Variants in ABTB3 observed in about 807,000 individuals in gnomAD.
The protein encoded by ABTB3 is ankyrin repeat- and BTB/POZ domain-containing protein 3.
the ABTB3 span, among the ~76,000 whole-genome samples, chr12:107,321,126 C>T: frequency 6.6e-6 from 1 of 152,134 alleles, no homozygotes; most frequent in Admixed American, 6.5e-5. Context: ...ACTCTAAAGG[C>T]GAAATAAAAC....
the ABTB3 span, among the ~76,000 whole-genome samples, chr12:107,390,460 G>A: frequency 4.6e-5 from 7 of 152,308 alleles, no homozygotes; most frequent in South Asian, 2.1e-4. Context: ...GGTGGTACAC[G>A]TTTGTGTGTG....
chr12:107,643,773 T>TGA, the ABTB3 span, among the ~76,000 whole-genome samples: 6 of 137,178 alleles, frequency 4.4e-5, no homozygotes, highest in African/African-American at 8.8e-5. Context: ...TTTTTTTTGT[T>TGA]GAGAGAGAGA....
At chr12:107,327,627 A>C in the ABTB3 span, among the ~76,000 whole-genome samples, 1 of 152,222 alleles carries the variant, frequency 6.6e-6, no homozygotes, top group Non-Finnish European at 1.5e-5. Flanking sequence ...CCAAGTTATC[A>C]TAGATGACAG....
chr12:107,520,277 A>G, the ABTB3 span: 1 of 985,330 alleles, frequency 1.0e-6, no homozygotes, highest in Non-Finnish European at 1.2e-6. Flanking sequence ...GCTTGTTAAA[A>G]TCAGTAGTCA....
chr12:107,432,289 G>T, the ABTB3 span, among the ~76,000 whole-genome samples: 1 of 152,210 alleles, frequency 6.6e-6, no homozygotes, highest in African/African-American at 2.4e-5. Context: ...GGAATTGGGA[G>T]AGAAGGAAAG....
At chr12:107,617,077 C>G in the ABTB3 span, 3 of 1,613,708 alleles carry the variant, frequency 1.9e-6, no homozygotes, top group East Asian at 2.2e-5. Context: ...AATGGCCGCT[C>G]TTCCTCTGCA....
the ABTB3 span, among the ~76,000 whole-genome samples, chr12:107,396,510 T>C: frequency 1.3e-5 from 2 of 152,144 alleles, no homozygotes; most frequent in Non-Finnish European, 2.9e-5. Context: ...ATCTCTGGAT[T>C]TGTAGCAAAA....
At chr12:107,358,545 C>T in the ABTB3 span, among the ~76,000 whole-genome samples, 1 of 152,082 alleles carries the variant, frequency 6.6e-6, no homozygotes, top group African/African-American at 2.4e-5. Flanking sequence ...GGTCCCTAAA[C>T]CACCCCAAAC....
At chr12:107,375,921 C>T in the ABTB3 span, among the ~76,000 whole-genome samples, 2 of 152,214 alleles carry the variant, frequency 1.3e-5, no homozygotes, top group Non-Finnish European at 2.9e-5. Context: ...TGTGTACCAT[C>T]CTGCCTAGCC....
chr12:107,560,697 G>A, the ABTB3 span, among the ~76,000 whole-genome samples: 6 of 152,268 alleles, frequency 3.9e-5, no homozygotes, highest in East Asian at 9.6e-4. Flanking sequence ...AGGGATTGCC[G>A]GTAATCTCCT....
the ABTB3 span, among the ~76,000 whole-genome samples, chr12:107,504,761 C>G: frequency 1.3e-5 from 2 of 152,168 alleles, no homozygotes; most frequent in African/African-American, 2.4e-5. Flanking sequence ...CTTGCTATTA[C>G]CTGGAAATGG....
At chr12:107,413,290 A>C in the ABTB3 span, among the ~76,000 whole-genome samples, 1 of 152,140 alleles carries the variant, frequency 6.6e-6, no homozygotes, top group Non-Finnish European at 1.5e-5. Flanking sequence ...TAAAAAAAAA[A>C]GCGCATTGAA....
the ABTB3 span, among the ~76,000 whole-genome samples, chr12:107,585,778 G>A: frequency 6.6e-6 from 1 of 152,154 alleles, no homozygotes; most frequent in African/African-American, 2.4e-5. Flanking sequence ...GGAAGTTCAG[G>A]TTCATTTACC....
At chr12:107,579,272 T>G in the ABTB3 span, among the ~76,000 whole-genome samples, 1 of 152,192 alleles carries the variant, frequency 6.6e-6, no homozygotes, top group Non-Finnish European at 1.5e-5. Flanking sequence ...TCAGCTCCCC[T>G]GGGGTGACAG....
At chr12:107,632,387 T>A in the ABTB3 span, among the ~76,000 whole-genome samples, 1 of 152,140 alleles carries the variant, frequency 6.6e-6, no homozygotes, top group Non-Finnish European at 1.5e-5. Flanking sequence ...CTGGTGTAGA[T>A]GAGTGAGACC....
the ABTB3 span, among the ~76,000 whole-genome samples, chr12:107,327,312 C>A: frequency 6.6e-6 from 1 of 152,170 alleles, no homozygotes; most frequent in Non-Finnish European, 1.5e-5. Context: ...AATTTAATGG[C>A]AGCTACCTTG....
the ABTB3 span, among the ~76,000 whole-genome samples, chr12:107,606,065 G>A: frequency 6.6e-6 from 1 of 152,194 alleles, no homozygotes; most frequent in African/African-American, 2.4e-5. Context: ...CAAGTAGGCA[G>A]CTATATGTGT....
At chr12:107,409,984 G>A in the ABTB3 span, among the ~76,000 whole-genome samples, 3 of 152,074 alleles carry the variant, frequency 2.0e-5, no homozygotes, top group African/African-American at 7.2e-5. Context: ...CAACCATAGA[G>A]CCCTTCTCAA....
chr12:107,394,701 T>C, the ABTB3 span, among the ~76,000 whole-genome samples: 1 of 152,246 alleles, frequency 6.6e-6, no homozygotes, highest in Non-Finnish European at 1.5e-5. Flanking sequence ...AGGGTTGTTT[T>C]GCTATTTAAA....
Sources: allele counts gnomAD v4.1 joint callset (sites outside exome capture counted in the v4.1 genomes callset), GRCh38; gene constraint gnomAD v4.1.1; transcripts MANE v1.5; gene names NCBI Gene and HGNC (gene_info 2026-07-23, HGNC 2026-07-21).